The following NSMCE2 variants were observed in gnomAD, a reference collection of about 807,000 sequenced individuals.
The protein encoded by NSMCE2 is E3 SUMO-protein ligase NSE2.
NSMCE2 carries 24 observed loss-of-function variants against 23.8 expected under a neutral mutation model. The observed-to-expected ratio is 1.01, with a 90% confidence interval of 0.73 to 1.42. The LOEUF is 1.42. Among genes scored for constraint, NSMCE2 ranks in the 40% most tolerant of loss-of-function variants. The pLI is 0.00. For missense variants in NSMCE2, 284 were observed against 296.5 expected, an observed-to-expected ratio of 0.96 and a Z score of 0.31; for synonymous variants, 92 against 94.1, an observed-to-expected ratio of 0.98 and a Z score of 0.13.
At chr8:125,179,535 G>A (rs544223860) in intron 4 of NSMCE2, among the ~76,000 whole-genome samples, 1 of 152,284 alleles carries the variant, frequency 6.6e-6, no homozygotes, top group Non-Finnish European at 1.5e-5. Context: ...TGAGTTGAAT[G>A]TTTTTAAATT....
chr8:125,318,401 C>T (rs1829293260), intron 5 of NSMCE2, among the ~76,000 whole-genome samples: 2 of 152,178 alleles, frequency 1.3e-5, no homozygotes, highest in African/African-American at 4.8e-5. Flanking sequence ...CAGTGAGACC[C>T]TGACTCAAAA....
At chr8:125,287,745 C>A (rs953061451) in intron 5 of NSMCE2, among the ~76,000 whole-genome samples, 1 of 152,128 alleles carries the variant, frequency 6.6e-6, no homozygotes, top group African/African-American at 2.4e-5. Flanking sequence ...ACCCAGGGAC[C>A]ACTTGTTTAC....
At chr8:125,361,488 G>C (rs1454127211) in intron 7 of NSMCE2, among the ~76,000 whole-genome samples, 1 of 152,186 alleles carries the variant, frequency 6.6e-6, no homozygotes, top group East Asian at 1.9e-4. Flanking sequence ...CAGAACTCCA[G>C]CTTTGTGCTT....
chr8:125,299,513 CTA>C (rs1373497797), intron 5 of NSMCE2, among the ~76,000 whole-genome samples: 2 of 152,144 alleles, frequency 1.3e-5, no homozygotes, highest in African/African-American at 4.8e-5. Flanking sequence ...AACTCACTCA[CTA>C]TGATAGGAAC....
intron 5 of NSMCE2, among the ~76,000 whole-genome samples, chr8:125,255,391 C>G (rs1826362377): frequency 6.6e-6 from 1 of 152,152 alleles, no homozygotes; most frequent in African/African-American, 2.4e-5. Context: ...GTGATATTTA[C>G]TACGTATCAC....
intron 4 of NSMCE2, among the ~76,000 whole-genome samples, chr8:125,163,371 C>G (rs1821719893): frequency 1.3e-5 from 2 of 152,184 alleles, no homozygotes; most frequent in Middle Eastern, 3.2e-3. Flanking sequence ...CCGTAATCAT[C>G]TTTACTTCCC....
intron 5 of NSMCE2, among the ~76,000 whole-genome samples, chr8:125,231,989 G>A (rs1035163727): frequency 3.9e-5 from 6 of 152,114 alleles, no homozygotes; most frequent in African/African-American, 1.4e-4. Flanking sequence ...TCTGAACCTC[G>A]TGTTTCTTTT....
chr8:125,196,101 C>G (rs1322242089), intron 5 of NSMCE2, among the ~76,000 whole-genome samples: 2 of 151,396 alleles, frequency 1.3e-5, no homozygotes, highest in African/African-American at 4.9e-5. Flanking sequence ...GGCTCCTGGT[C>G]TCGACCTCCT....
chr8:125,285,656 A>C (rs1444490731), intron 5 of NSMCE2, among the ~76,000 whole-genome samples: 1 of 152,144 alleles, frequency 6.6e-6, no homozygotes, highest in Non-Finnish European at 1.5e-5. Context: ...GCAACATGTG[A>C]AGACAGTACA....
chr8:125,208,414 TA>T (rs1167639787), intron 5 of NSMCE2, among the ~76,000 whole-genome samples: 2 of 152,232 alleles, frequency 1.3e-5, no homozygotes, highest in Non-Finnish European at 2.9e-5. Flanking sequence ...ACATAGTCTT[TA>T]CTTTCAAGAA....
chr8:125,192,824 T>C (rs748573859), intron 5 of NSMCE2, among the ~76,000 whole-genome samples: 7 of 152,220 alleles, frequency 4.6e-5, no homozygotes, highest in Non-Finnish European at 5.9e-5. Context: ...AAAGGCTTCA[T>C]CTGTAAGGCT....
intron 5 of NSMCE2, among the ~76,000 whole-genome samples, chr8:125,214,665 C>G (rs921542235): frequency 6.6e-6 from 1 of 152,126 alleles, no homozygotes. Flanking sequence ...CCCCTACACA[C>G]CAGTTTCCCC....
chr8:125,116,837 A>G (rs571942603), intron 3 of NSMCE2, among the ~76,000 whole-genome samples: 2 of 152,078 alleles, frequency 1.3e-5, no homozygotes, highest in Admixed American at 6.6e-5. Context: ...GCCAATGGCC[A>G]TACTGAAGAT....
intron 5 of NSMCE2, among the ~76,000 whole-genome samples, chr8:125,273,673 G>A (rs543705770): frequency 6.6e-5 from 10 of 152,276 alleles, no homozygotes; most frequent in Admixed American, 2.6e-4. Flanking sequence ...CTATGATAAC[G>A]ATTCACTGGA....
intron 4 of NSMCE2, among the ~76,000 whole-genome samples, chr8:125,154,121 G>C (rs527855942): frequency 6.6e-5 from 10 of 152,190 alleles, no homozygotes; most frequent in Admixed American, 3.9e-4. Context: ...TGCAAATTGC[G>C]ATACTTCCGT....
rs566832901 is a variant in NSMCE2, at chr8:125,106,006, T to G, written c.157+3519T>G. On this transcript the variant is annotated intron_variant, in intron 3 of 7. Transcript: ENST00000287437. ...AGTCACCAGGAGCCTGGACTTCTTA[T>G]GAACTCAATATGTATATGAATACAT... Among the ~76,000 whole-genome samples the G allele has an allele frequency of 2.6e-5, 4 of 151,520 alleles. No individual in the cohort carries two copies. In the South Asian group the frequency reaches 8.3e-4, roughly 32 times the overall value.
intron 3 of NSMCE2, among the ~76,000 whole-genome samples, chr8:125,110,637 G>C (rs1818686389): frequency 6.6e-6 from 1 of 152,088 alleles, no homozygotes; most frequent in Non-Finnish European, 1.5e-5. Flanking sequence ...ATTATAAGCA[G>C]TCTGACTTCA....
intron 5 of NSMCE2, among the ~76,000 whole-genome samples, chr8:125,303,503 A>C (rs1305077183): frequency 6.6e-6 from 1 of 152,184 alleles, no homozygotes; most frequent in African/African-American, 2.4e-5. Context: ...CAATAAGTAT[A>C]TAAATTAACT....
At chr8:125,134,532 C>G (rs1378435238) in intron 3 of NSMCE2, among the ~76,000 whole-genome samples, 1 of 151,986 alleles carries the variant, frequency 6.6e-6, no homozygotes, top group Non-Finnish European at 1.5e-5. Flanking sequence ...AATTGAGTAC[C>G]TTTTAATGTG....
Sources: allele counts gnomAD v4.1 joint callset (sites outside exome capture counted in the v4.1 genomes callset), GRCh38; gene constraint gnomAD v4.1.1; transcripts MANE v1.5; gene names NCBI Gene and HGNC (gene_info 2026-07-23, HGNC 2026-07-21).